The following BLTP3A variants were observed in gnomAD, a reference collection of about 807,000 sequenced individuals.
The protein encoded by BLTP3A is ICBP90 binding protein 1.
chr6:34,862,912 CTT>C, the BLTP3A span, among the ~76,000 whole-genome samples: 1 of 139,690 alleles, frequency 7.2e-6, no homozygotes. Flanking sequence ...TGATAATTTG[CTT>C]TTTTTTTTTA....
chr6:34,855,630 C>T, the BLTP3A span: 1 of 1,613,622 alleles, frequency 6.2e-7, no homozygotes. Flanking sequence ...TCTCTGCCAA[C>T]AGACTCATGG....
At chr6:34,849,883 A>T in the BLTP3A span, among the ~76,000 whole-genome samples, 1 of 152,154 alleles carries the variant, frequency 6.6e-6, no homozygotes, top group Admixed American at 6.6e-5. Flanking sequence ...CATGCCTTTA[A>T]TAATCCCAGC....
At chr6:34,858,061 A>AAAAG in the BLTP3A span, 1 of 1,577,000 alleles carries the variant, frequency 6.3e-7, no homozygotes, top group African/African-American at 1.4e-5. Flanking sequence ...CATGTGTATT[A>AAAAG]ATAGTGGGAT....
chr6:34,867,303 T>G, the BLTP3A span: 1 of 1,614,158 alleles, frequency 6.2e-7, no homozygotes, highest in African/African-American at 1.3e-5. Context: ...AGCCCTCTTG[T>G]GAATAATTAT....
At chr6:34,830,805 C>A in the BLTP3A span, among the ~76,000 whole-genome samples, 1 of 152,056 alleles carries the variant, frequency 6.6e-6, no homozygotes, top group African/African-American at 2.4e-5. Context: ...GTGATTGTAC[C>A]AGTTTTCCCT....
the BLTP3A span, among the ~76,000 whole-genome samples, chr6:34,799,625 A>G: frequency 1.3e-5 from 2 of 152,242 alleles, no homozygotes; most frequent in Non-Finnish European, 2.9e-5. Flanking sequence ...AAGCATGTCA[A>G]TGTAGCAGAA....
chr6:34,843,731 C>T, the BLTP3A span, among the ~76,000 whole-genome samples: 1 of 152,174 alleles, frequency 6.6e-6, no homozygotes, highest in Non-Finnish European at 1.5e-5. Context: ...CCTGGGCATA[C>T]TGATTTCATT....
At chr6:34,856,282 G>C in the BLTP3A span, 2 of 1,614,140 alleles carry the variant, frequency 1.2e-6, no homozygotes, top group African/African-American at 2.7e-5. Context: ...AGGCCATGGA[G>C]ACCCGAGGCC....
At chr6:34,835,716 C>T in the BLTP3A span, among the ~76,000 whole-genome samples, 1 of 152,178 alleles carries the variant, frequency 6.6e-6, no homozygotes, top group African/African-American at 2.4e-5. Context: ...CCTTGGGGCT[C>T]TCACTGTCTT....
At chr6:34,856,312 G>A in the BLTP3A span, 3 of 1,614,182 alleles carry the variant, frequency 1.9e-6, no homozygotes, top group Non-Finnish European at 2.5e-6. Flanking sequence ...AGAAGCTGGT[G>A]ATGGAATTTC....
chr6:34,862,833 C>CAA, the BLTP3A span, among the ~76,000 whole-genome samples: 405 of 105,542 alleles, frequency 3.8e-3, 2 homozygotes, highest in East Asian at 0.013. Context: ...GACTCCATCT[C>CAA]AAAAAAAAAA....
chr6:34,814,358 A>C, the BLTP3A span, among the ~76,000 whole-genome samples: 1 of 152,202 alleles, frequency 6.6e-6, no homozygotes, highest in East Asian at 1.9e-4. Flanking sequence ...TTGCTCTAAA[A>C]TGCAGGCAAA....
At chr6:34,842,960 A>G in the BLTP3A span, among the ~76,000 whole-genome samples, 1 of 152,148 alleles carries the variant, frequency 6.6e-6, no homozygotes, top group South Asian at 2.1e-4. Context: ...TGAGTATTAA[A>G]TAAAAATAGT....
chr6:34,824,757 A>T, the BLTP3A span, among the ~76,000 whole-genome samples: 12 of 151,676 alleles, frequency 7.9e-5, no homozygotes, highest in Admixed American at 5.9e-4. Flanking sequence ...TGCAACCTCC[A>T]TCTCCTGGGT....
At chr6:34,857,853 A>G in the BLTP3A span, 3 of 1,614,160 alleles carry the variant, frequency 1.9e-6, no homozygotes, top group East Asian at 2.2e-5. Context: ...GCTATCTACA[A>G]GCTGGAAGAT....
chr6:34,833,863 A>AG, the BLTP3A span, among the ~76,000 whole-genome samples: 1 of 135,432 alleles, frequency 7.4e-6, no homozygotes, highest in Non-Finnish European at 1.5e-5. Flanking sequence ...TAGAGATTGC[A>AG]GGTGGCCGAG....
the BLTP3A span, chr6:34,871,717 G>C: frequency 3.1e-6 from 5 of 1,613,660 alleles, no homozygotes; most frequent in Non-Finnish European, 4.2e-6. Context: ...TCAGCCTGTT[G>C]GTTTCTCTGC....
chr6:34,794,642 T>C, the BLTP3A span, among the ~76,000 whole-genome samples: 3 of 152,222 alleles, frequency 2.0e-5, no homozygotes, highest in African/African-American at 7.2e-5. Flanking sequence ...CCTCATTTTA[T>C]GGCTGAGGAA....
chr6:34,795,838 A>G, the BLTP3A span, among the ~76,000 whole-genome samples: 1 of 152,186 alleles, frequency 6.6e-6, no homozygotes, highest in African/African-American at 2.4e-5. Flanking sequence ...TTTTCTCAGC[A>G]TTGGGCAGGG....
Sources: allele counts gnomAD v4.1 joint callset (sites outside exome capture counted in the v4.1 genomes callset), GRCh38; gene constraint gnomAD v4.1.1; transcripts MANE v1.5; gene names NCBI Gene and HGNC (gene_info 2026-07-23, HGNC 2026-07-21).